SHROOM2: variants seen among roughly 807,000 people sequenced by gnomAD.
The protein encoded by SHROOM2 is protein Shroom2.
Under a neutral mutation model 75.9 loss-of-function variants are expected in SHROOM2, and 33 were observed. The ratio of observed to expected loss-of-function variants is 0.43; its 90% CI spans 0.33 to 0.58. The LOEUF (loss-of-function observed/expected upper bound fraction) is 0.58, where lower values mean the gene tolerates loss of function less well. SHROOM2 is among the 20% of genes least tolerant of loss of function. The pLI, the probability that SHROOM2 is intolerant of heterozygous loss-of-function variation, is 0.04. For synonymous variants in SHROOM2, 655 were observed against 663.6 expected (o/e 0.99, Z 0.20); for missense variants, 1,434 against 1,461.2 (o/e 0.98, Z 0.30).
chrX:9,844,306 A>G (rs1262012351), intron 1 of SHROOM2, among the ~76,000 whole-genome samples: 1 of 110,246 alleles, frequency 9.1e-6, no homozygotes, highest in African/African-American at 3.3e-5. Flanking sequence ...GAGCCCTGGA[A>G]TTCAAGACCA....
intron 3 of SHROOM2, among the ~76,000 whole-genome samples, chrX:9,892,256 AAAAAAAAAAAAAAAGAAAAG>A (rs1160765690): frequency 9.9e-6 from 1 of 101,479 alleles, no homozygotes; most frequent in African/African-American, 3.6e-5. Context: ...TCGTCTCTTA[AAAAAAAAAAAAAAAGAAAAG>A]AAAAAAAAAT....
intron 1 of SHROOM2, among the ~76,000 whole-genome samples, chrX:9,821,904 G>T (rs112113042): frequency 0.065 from 7,280 of 111,508 alleles, 574 homozygotes; most frequent in African/African-American, 0.22. Context: ...ATTCTATACT[G>T]TAAAGAGGTA....
chrX:9,918,150 G>C (rs766378197), intron 5 of SHROOM2, among the ~76,000 whole-genome samples: 1 of 112,666 alleles, frequency 8.9e-6, no homozygotes, highest in Admixed American at 9.4e-5. Flanking sequence ...ACATCAGTGT[G>C]TTACCTCCCT....
At chrX:9,910,909 C>T (rs1321496082) in intron 5 of SHROOM2, among the ~76,000 whole-genome samples, 2 of 110,222 alleles carry the variant, frequency 1.8e-5, no homozygotes, top group African/African-American at 6.6e-5. Context: ...TCTCCAACTC[C>T]TGGGCTCAAG....
intron 2 of SHROOM2, among the ~76,000 whole-genome samples, chrX:9,879,255 T>C (rs1181616395): frequency 9.0e-6 from 1 of 111,243 alleles, no homozygotes; most frequent in Non-Finnish European, 1.9e-5. Flanking sequence ...TTTATTTTTT[T>C]TTATTTAATT....
chrX:9,872,441 T>A (rs2084176108), intron 1 of SHROOM2, among the ~76,000 whole-genome samples: 1 of 111,718 alleles, frequency 9.0e-6, no homozygotes, highest in Non-Finnish European at 1.9e-5. Flanking sequence ...AGCGTGTGCC[T>A]GTAATCCCAG....
intron 1 of SHROOM2, among the ~76,000 whole-genome samples, chrX:9,799,970 A>C (rs978397570): frequency 6.3e-5 from 7 of 111,244 alleles, no homozygotes; most frequent in African/African-American, 9.8e-5. Flanking sequence ...TCTAATTCTG[A>C]ATTTCTAATC....
At position 9,895,937 on chromosome X, in the gene SHROOM2, G is replaced by A. The variant is rs1398194619; in HGVS notation, c.2029G>A (p.Ala677Thr). ...AGGTGGCACCCAGGAAGGACCCCTCGCTGGCACCTATAAAGACCACCTGAA... is the reference window on the plus strand; with the variant it reads ...AGGTGGCACCCAGGAAGGACCCCTCACTGGCACCTATAAAGACCACCTGAA... ...LGGGTQEGPL[A>T]GTYKDHLKEA... Residue 677 changes from alanine to threonine, a missense_variant, in exon 4 of 10, where the codon GCT becomes ACT. This residue lies in a region of SHROOM2 where 1,340 missense variants were observed against 1,338.3 expected (regional missense o/e 1.00). Transcript: ENST00000380913. 5.0e-6 allele frequency: 6 copies of A among 1,194,746 alleles called. No homozygotes were observed. Among genetic ancestry groups the A allele is most frequent in the Middle Eastern group, 2.3e-4 (1 of 4,299 alleles).
chrX:9,818,451 C>CT, intron 1 of SHROOM2: 1 of 239,155 alleles, frequency 4.2e-6, no homozygotes, highest in Admixed American at 5.2e-5. Flanking sequence ...TCTTAAAGGC[C>CT]TTTTTCCGAC....
intron 2 of SHROOM2, among the ~76,000 whole-genome samples, chrX:9,886,614 C>G (rs757642926): frequency 3.4e-4 from 38 of 110,702 alleles, no homozygotes; most frequent in Non-Finnish European, 9.5e-5. Flanking sequence ...TCCCCTCCCC[C>G]ACCCCCTGGC....
At position 9,896,568 on chromosome X, in the gene SHROOM2, T is replaced by C. The variant is rs759884317; in HGVS notation, c.2660T>C (p.Leu887Pro). 8.3e-7 allele frequency: 1 copy of C among 1,210,843 alleles called. No homozygotes were observed. Among genetic ancestry groups the C allele is most frequent in the African/African-American group, 1.7e-5 (1 of 58,013 alleles). Reference protein sequence around the residue: ...QASWKEQRKPLEARSSGRCHS... With the variant: ...QASWKEQRKPPEARSSGRCHS... ...TCTTGGAAGGAACAGAGGAAACCTCTGGAGGCCAGGAGCTCTGGGCGCTGC... is the reference window on the plus strand; with the variant it reads ...TCTTGGAAGGAACAGAGGAAACCTCCGGAGGCCAGGAGCTCTGGGCGCTGC... The change falls in exon 4 of 10, where the codon CTG becomes CCG. Residue 887 changes from leucine (L) to proline (P), a missense_variant. Leu to Pro is a moderately conservative substitution (Grantham distance 98). Coordinates refer to ENST00000380913, the MANE Select transcript of SHROOM2 (RefSeq NM_001649.4).
chrX:9,912,107 AACACACAC>A (rs61080253), intron 5 of SHROOM2, among the ~76,000 whole-genome samples: 277 of 26,457 alleles, frequency 0.01, 15 homozygotes, highest in Middle Eastern at 0.026. Context: ...CCTTTCTCCA[AACACACAC>A]ACACACACAC....
chrX:9,899,176 C>A (rs898199827), intron 5 of SHROOM2, among the ~76,000 whole-genome samples: 2 of 110,190 alleles, frequency 1.8e-5, no homozygotes, highest in African/African-American at 3.3e-5. Context: ...GCACGAGAAT[C>A]GCTTGAACCT....
intron 1 of SHROOM2, among the ~76,000 whole-genome samples, chrX:9,852,284 T>C (rs1358324585): frequency 8.8e-6 from 1 of 112,998 alleles, no homozygotes; most frequent in Non-Finnish European, 1.9e-5. Flanking sequence ...TTTTTCCCCA[T>C]GCTTTGCTTT....
intron 5 of SHROOM2, 136 bp from the exon 6 acceptor site, chrX:9,932,039 G>A (rs541681496): frequency 1.5e-4 from 77 of 509,298 alleles, no homozygotes; most frequent in African/African-American, 1.5e-3. Flanking sequence ...TTGCGGTGGC[G>A]ACAGGTGTGG....
intron 5 of SHROOM2, among the ~76,000 whole-genome samples, chrX:9,918,907 T>C (rs2084515328): frequency 8.9e-6 from 1 of 111,910 alleles, no homozygotes; most frequent in South Asian, 3.7e-4. Flanking sequence ...TTTCAACTTA[T>C]GGATTTGGGA....
At chrX:9,823,085 TCTC>T (rs1474508891) in intron 1 of SHROOM2, among the ~76,000 whole-genome samples, 1 of 75,326 alleles carries the variant, frequency 1.3e-5, no homozygotes, top group Admixed American at 1.4e-4. Flanking sequence ...CCTTCTCCCT[TCTC>T]CTCCTCCTTC....
chrX:9,891,163 C>T (rs2084289898), intron 3 of SHROOM2, 55 bp downstream of exon 3: 55 of 1,135,843 alleles, frequency 4.8e-5, no homozygotes, highest in Non-Finnish European at 6.2e-5. Flanking sequence ...CTGCAGGGAG[C>T]GCACTCCTGA....
chrX:9,830,062 C>T lies in SHROOM2; in HGVS notation c.165+43352C>T, dbSNP rs902418941. On this transcript the variant is annotated intron_variant, in intron 1 of 9. Transcript: ENST00000380913. ...GCTCTGCAAGTCTCCCTCTCTCACA[C>T]ACAGTAAGAAGGTGGCCTTCTGCAG... 3.6e-5 allele frequency among the ~76,000 whole-genome samples: 4 copies of T among 111,744 alleles called. No individual in the cohort carries two copies. The East Asian group carries it at 1.1e-3, about 31-fold the overall frequency.
Sources: allele counts gnomAD v4.1 joint callset (sites outside exome capture counted in the v4.1 genomes callset), GRCh38; gene constraint gnomAD v4.1.1; regional missense constraint gnomAD v4.1.1; transcripts MANE v1.5; gene names NCBI Gene and HGNC (gene_info 2026-07-23, HGNC 2026-07-21).